Variants in OR9A4 observed in about 807,000 individuals in gnomAD.
OR9A4 encodes olfactory receptor 9A4.
A neutral mutation model predicts 17.1 loss-of-function variants in OR9A4; 16 were observed. That is an observed-to-expected ratio of 0.94 (90% CI 0.64 to 1.43). The LOEUF is 1.43. Ranked by LOEUF, OR9A4 falls within the 40% of genes most tolerant of loss-of-function variation. OR9A4 has a pLI of 0.00. For synonymous variants in OR9A4, 167 were observed against 143.3 expected, an observed-to-expected ratio of 1.17 and a Z score of -1.18; for missense variants, 392 against 382.1, an observed-to-expected ratio of 1.03 and a Z score of -0.22.
rs1257521039 is a variant in OR9A4, at chr7:141,920,050, C to A, written c.*230C>A. 6.9e-6 allele frequency: 3 copies of A among 437,716 alleles called. No individual in the cohort carries two copies. Among genetic ancestry groups the A allele is most frequent in the Non-Finnish European group, 8.1e-6 (2 of 246,290 alleles). The allele number at this position is 437,716 out of a possible 1,614,324, so 27.1% of individuals were successfully genotyped here. A position where few individuals can be genotyped will look rare whatever the true frequency, so the allele number is the denominator to read the frequency against. ...TCTTGCTATCTAGCTATCTATCTATCATCTGCCTTTCTTAAGATATGATGA... is the reference window on the plus strand; with the variant it reads ...TCTTGCTATCTAGCTATCTATCTATAATCTGCCTTTCTTAAGATATGATGA... On this transcript the variant is annotated 3_prime_UTR_variant, in exon 2 of 2. Coordinates refer to ENST00000641559, the MANE Select transcript of OR9A4 (RefSeq NM_001001656.3).
chr7:141,917,060 T>C (rs1205276727), intron 1 of OR9A4, among the ~76,000 whole-genome samples: 3 of 152,206 alleles, frequency 2.0e-5, no homozygotes, highest in East Asian at 1.9e-4. Flanking sequence ...TTCATTGATA[T>C]ATTCATTTAA....
chr7:141,919,386 T>A lies in OR9A4; in HGVS notation c.511T>A (p.Ser171Thr). 6.2e-7 allele frequency: 1 copy of A among 1,614,174 alleles called. No individual in the cohort carries two copies. Among genetic ancestry groups the A allele is most frequent in the Admixed American group, 1.7e-5 (1 of 60,024 alleles). The change falls in exon 2 of 2, where the codon TCA becomes ACA. Residue 171 changes from serine (S) to threonine (T), a missense_variant. Physicochemically the swap from Ser to Thr is moderately conservative, Grantham distance 58. Transcript: ENST00000641559. ...YVMFQLTYCKSNVVNNFFCDR... is the reference protein window; with the variant it reads ...YVMFQLTYCKTNVVNNFFCDR... ...CATGTTTCAGCTTACTTACTGCAAA[T>A]CAAATGTGGTGAACAATTTTTTTTG...
rs1398339060 is a variant in OR9A4 at position 141,919,550 on chromosome 7, T to A, written c.675T>A (p.Ile225=). 1 of 1,614,000 alleles carries A rather than the reference T, an allele frequency of 6.2e-7. No homozygotes were observed. Among genetic ancestry groups the A allele is most frequent in the Non-Finnish European group, 8.5e-7 (1 of 1,180,034 alleles). ...CCAACGCCTACATCATCTCCACCATTCTCAAGATCCCGTCATCCTCTGGCC... is the reference window on the plus strand; with the variant it reads ...CCAACGCCTACATCATCTCCACCATACTCAAGATCCCGTCATCCTCTGGCC... ...IVSNAYIIST[I]LKIPSSSGRR... The change falls in exon 2 of 2, where the codon ATT becomes ATA. Residue 225 remains isoleucine, a synonymous_variant. Coordinates refer to ENST00000641559, the MANE Select transcript of OR9A4 (RefSeq NM_001001656.3).
intron 1 of OR9A4, 23 bp from the exon 2 acceptor site, chr7:141,918,823 G>A (rs1213457303): frequency 7.6e-7 from 1 of 1,319,450 alleles, no homozygotes; most frequent in South Asian, 1.4e-5. Context: ...ATAAGCGGTT[G>A]TTCTCTCTCT....
rs1554439075 is a variant in OR9A4, at chr7:141,919,325, G to A, written c.450G>A (p.Val150=). The change falls in exon 2 of 2, where the codon GTG becomes GTA. Residue 150 remains valine (V), a synonymous_variant. Coordinates refer to ENST00000641559, the MANE Select transcript of OR9A4 (RefSeq NM_001001656.3). ...TCNFVVLVSW[V]FGFLFQIWPV... ...ACTTTGTGGTTCTTGTGTCATGGGTGTTTGGGTTTCTTTTTCAAATCTGGC... is the reference window on the plus strand; with the variant it reads ...ACTTTGTGGTTCTTGTGTCATGGGTATTTGGGTTTCTTTTTCAAATCTGGC... The A allele has an allele frequency of 6.2e-7, 1 of 1,614,080 alleles. No individual in the cohort carries two copies. Among genetic ancestry groups the A allele is most frequent in the Non-Finnish European group, 8.5e-7 (1 of 1,180,016 alleles).
At position 141,919,760 on chromosome 7, in the gene OR9A4, T is replaced by TA; in HGVS notation, c.888dup (p.Val297SerfsTer23). The TA allele has an allele frequency of 6.2e-7, 1 of 1,614,200 alleles. No individual in the cohort carries two copies. Among genetic ancestry groups the TA allele is most frequent in the Non-Finnish European group, 8.5e-7 (1 of 1,180,024 alleles). On this transcript the variant is annotated frameshift_variant, in exon 2 of 2. Transcript: ENST00000641559. LOFTEE classifies it high-confidence loss of function. ...CTTTCATCTTCACCCTCCGGAATGA[T>TA]AAAGTCATAGAGGCCCTTCGGGATG...
chr7:141,918,411 ACTTT>A (rs1240234745), intron 1 of OR9A4, among the ~76,000 whole-genome samples: 2 of 152,178 alleles, frequency 1.3e-5, no homozygotes, highest in African/African-American at 4.8e-5. Flanking sequence ...AGCCAGGAAT[ACTTT>A]CTTATAATTG....
In OR9A4 at chr7:141,920,528, A is replaced by C. The variant is rs1342375337; in HGVS notation, c.*708A>C. 6.6e-6 allele frequency: 1 copy of C among 152,360 alleles called. No homozygotes were observed. The highest frequency in any genetic ancestry group is 2.4e-5 in the African/African-American group (1 of 41,412). 9.4% of individuals were successfully genotyped at this position (152,360 alleles called of 1,614,324 possible). A position where few individuals can be genotyped will look rare whatever the true frequency, so the allele number is the denominator to read the frequency against. On this transcript the variant is annotated 3_prime_UTR_variant, in exon 2 of 2. Transcript: ENST00000641559. Reference sequence around the variant, plus strand: ...TGAGAGATCCTAGGGAAGGCATAACAAAGATGCTGAAATGGAGTGTGCAGA... The same window carrying C: ...TGAGAGATCCTAGGGAAGGCATAACCAAGATGCTGAAATGGAGTGTGCAGA...
Position 141,917,902 on chromosome 7 carries a change from C to A in OR9A4, c.-30-944C>A, listed in dbSNP as rs552918187. ...AAGAGGAAGAAGTGGGTAATCCACT[C>A]AAGGGAGCTGGTATCCCAGAGGTCA... On this transcript the variant is annotated intron_variant, in intron 1 of 1. Transcript: ENST00000641559. Among the ~76,000 whole-genome samples, 43 of 152,266 alleles carry A rather than the reference C, an allele frequency of 2.8e-4. 1 individual carries two copies. The highest frequency in any genetic ancestry group is 9.9e-4 in the African/African-American group (41 of 41,558).
chr7:141,918,824 TTCTC>T lies in OR9A4; in HGVS notation c.-30-16_-30-13del. ...TTAATCTTTTTAGGATAAGCGGTTG[TTCTC>T]TCTCTTTTGCTCTCTAGATTTCACA... On this transcript the variant is annotated intron_variant, in intron 1 of 1. Coordinates refer to ENST00000641559, the MANE Select transcript of OR9A4 (RefSeq NM_001001656.3). The T allele has an allele frequency of 7.6e-7, 1 of 1,323,502 alleles. No individual in the cohort carries two copies. The highest frequency in any genetic ancestry group is 1.4e-5 in the South Asian group (1 of 71,432). The allele number at this position is 1,323,502 out of a possible 1,614,324, so 82.0% of individuals were successfully genotyped here.
chr7:141,919,520 T>G lies in OR9A4; in HGVS notation c.645T>G (p.Ile215Met), dbSNP rs1563070037. Residue 215 changes from isoleucine to methionine, a missense_variant, in exon 2 of 2, where the codon ATT (isoleucine) becomes ATG (methionine). Coordinates refer to ENST00000641559, the MANE Select transcript of OR9A4 (RefSeq NM_001001656.3). ...FVLFGSLIPT[I>M]VSNAYIISTI... is the part of the protein sequence containing the mutation. ...TCTTTGGTTCTTTGATCCCTACAAT[T>G]GTCTCCAACGCCTACATCATCTCCA... 1 of 1,614,068 alleles carries G rather than the reference T, an allele frequency of 6.2e-7. No individual in the cohort carries two copies. Among genetic ancestry groups the G allele is most frequent in the Non-Finnish European group, 8.5e-7 (1 of 1,180,046 alleles).
In OR9A4 at chr7:141,919,213, C is replaced by T; in HGVS notation, c.338C>T (p.Ala113Val). ...CTTGCTGTGGGGACAACAGAGTTCG[C>T]ATTACTTGGAGCAATGGCTGTGGAC... Reference protein sequence around the residue: ...LYLAVGTTEFALLGAMAVDRY... With the variant: ...LYLAVGTTEFVLLGAMAVDRY... The change falls in exon 2 of 2, where the codon GCA becomes GTA. Residue 113 changes from alanine to valine, a missense_variant. Ala to Val is a moderately conservative substitution (Grantham distance 64, BLOSUM62 0). Transcript: ENST00000641559. 1 of 1,614,088 alleles carries T rather than the reference C, an allele frequency of 6.2e-7. No homozygotes were observed. The highest frequency in any genetic ancestry group is 8.5e-7 in the Non-Finnish European group (1 of 1,180,028).
At chr7:141,918,818 C>A in intron 1 of OR9A4, 28 bp from the exon 2 acceptor site, 3 of 1,245,748 alleles carry the variant, frequency 2.4e-6, no homozygotes, top group Non-Finnish European at 3.4e-6. Context: ...TTAGGATAAG[C>A]GGTTGTTCTC....
At position 141,918,935 on chromosome 7, in the gene OR9A4, A is replaced by G. The variant is rs374208954; in HGVS notation, c.60A>G (p.Glu20=). ...EFYLLGFPGS[E]ELHHILFAIF... ...ATCTCCTTGGCTTCCCTGGCTCTGA[A>G]GAACTACATCATATCCTTTTTGCTA... Residue 20 remains glutamate (E), a synonymous_variant, in exon 2 of 2, where the codon GAA becomes GAG. Coordinates refer to ENST00000641559, the MANE Select transcript of OR9A4 (RefSeq NM_001001656.3). 2.5e-6 allele frequency: 4 copies of G among 1,614,080 alleles called. No homozygotes were observed. Among genetic ancestry groups the G allele is most frequent in the African/African-American group, 1.3e-5 (1 of 75,026 alleles).
rs199797468 is a variant in OR9A4, at chr7:141,919,652, C to T, written c.777C>T (p.Tyr259=). ...VIGYGSCLFL[Y]VKPKQTQAAD... ...GCTACGGCAGCTGCTTGTTTCTCTA[C>T]GTGAAACCCAAGCAAACGCAGGCAG... is the stretch of plus-strand genomic sequence containing the variant. Residue 259 remains tyrosine, a synonymous_variant, in exon 2 of 2, where the codon TAC becomes TAT. Coordinates refer to ENST00000641559, the MANE Select transcript of OR9A4 (RefSeq NM_001001656.3). 7.4e-5 allele frequency: 120 copies of T among 1,614,148 alleles called. No homozygotes were observed. The highest frequency in any genetic ancestry group is 9.9e-5 in the Non-Finnish European group (117 of 1,180,024).
rs1554439176 is a variant in OR9A4, at chr7:141,919,783, A to T, written c.908A>T (p.Asp303Val). The stretch of plus-strand genomic sequence containing the variant: ...GATAAAGTCATAGAGGCCCTTCGGG[A>T]TGGGGTGAAACGCTGCTGTCAACTA... ...RNDKVIEALRDGVKRCCQLFR... is the reference protein window; with the variant it reads ...RNDKVIEALRVGVKRCCQLFR... The change falls in exon 2 of 2, where the codon GAT becomes GTT. Residue 303 changes from aspartate (D) to valine (V), a missense_variant. Transcript: ENST00000641559. The T allele has an allele frequency of 7.4e-6, 12 of 1,613,852 alleles. No homozygotes were observed. The highest frequency in any genetic ancestry group is 1.0e-5 in the Non-Finnish European group (12 of 1,179,812).
rs1237819191 is a variant in OR9A4 at position 141,919,773 on chromosome 7, G to A, written c.898G>A (p.Ala300Thr). ...FTLRNDKVIE[A>T]LRDGVKRCCQ... ...CCTCCGGAATGATAAAGTCATAGAG[G>A]CCCTTCGGGATGGGGTGAAACGCTG... The change falls in exon 2 of 2, where the codon GCC becomes ACC. Residue 300 changes from alanine (A) to threonine (T), a missense_variant. Ala to Thr is a moderately conservative substitution (Grantham distance 58). Transcript: ENST00000641559. The A allele has an allele frequency of 3.1e-6, 5 of 1,614,002 alleles. No homozygotes were observed. The highest frequency in any genetic ancestry group is 4.2e-6 in the Non-Finnish European group (5 of 1,180,000).
Position 141,919,247 on chromosome 7 carries a change from G to C in OR9A4, c.372G>C (p.Val124=), listed in dbSNP as rs782109083. Residue 124 remains valine (V), a synonymous_variant, in exon 2 of 2, where the codon GTG becomes GTC. Coordinates refer to ENST00000641559, the MANE Select transcript of OR9A4 (RefSeq NM_001001656.3). ...GAGCAATGGCTGTGGACCGTTATGT[G>C]GCTGTCTGTAACCCTCTGAGGTACA... ...LLGAMAVDRY[V]AVCNPLRYNI... is the part of the protein sequence containing the mutation. 1 of 1,614,088 alleles carries C rather than the reference G, an allele frequency of 6.2e-7. No homozygotes were observed. Among genetic ancestry groups the C allele is most frequent in the South Asian group, 1.1e-5 (1 of 91,084 alleles).
In OR9A4 at chr7:141,919,463, G is replaced by A. The variant is rs1370934677; in HGVS notation, c.588G>A (p.Glu196=). ...CCTGCAATAATACTCTTTTCACGGA[G>A]TTTATCCTCTTCTTAATGGCTGTTT... ...KLSCNNTLFT[E]FILFLMAVFV... Residue 196 remains glutamate, a synonymous_variant, in exon 2 of 2, where the codon GAG becomes GAA. Transcript: ENST00000641559. 1.2e-6 allele frequency: 2 copies of A among 1,614,016 alleles called. No homozygotes were observed. Among genetic ancestry groups the A allele is most frequent in the African/African-American group, 1.3e-5 (1 of 74,908 alleles).
Sources: gnomAD v4.1 joint callset for allele counts (sites outside exome capture counted in the v4.1 genomes callset) on GRCh38, gnomAD v4.1.1 for gene constraint, MANE v1.5 for transcripts, NCBI Gene and HGNC (gene_info 2026-07-23, HGNC 2026-07-21) for gene names.